LDAH: variants seen among roughly 807,000 people sequenced by gnomAD.
LDAH encodes lipid droplet associated hydrolase, also known as lipid droplet-associated hydrolase.
In LDAH, 26 loss-of-function variants were observed where a neutral mutation model predicts 29.6. The observed-to-expected ratio is 0.88, with a 90% CI of 0.64 to 1.22. The LOEUF (loss-of-function observed/expected upper bound fraction) is 1.22, where lower values mean the gene tolerates loss of function less well. Among genes scored for constraint, LDAH ranks in the 50% most tolerant of loss-of-function variants. The pLI, the probability that LDAH is intolerant of heterozygous loss-of-function variation, is 0.00. For missense variants in LDAH, 344 were observed against 387.3 expected (o/e 0.89, Z 0.94); for synonymous variants, 117 against 133.0 (o/e 0.88, Z 0.83).
At chr2:20,703,080 C>T (rs1664065784) in intron 5 of LDAH, among the ~76,000 whole-genome samples, 1 of 152,210 alleles carries the variant, frequency 6.6e-6, no homozygotes, top group African/African-American at 2.4e-5. Flanking sequence ...CCTGCCTTGG[C>T]CTCTCAAAGT....
intron 5 of LDAH, among the ~76,000 whole-genome samples, chr2:20,703,581 C>T (rs1664104429): frequency 6.6e-6 from 1 of 152,210 alleles, no homozygotes; most frequent in South Asian, 2.1e-4. Flanking sequence ...TAGAACCACA[C>T]TTCCACTCTT....
At chr2:20,753,939 A>G (rs539590751) in intron 4 of LDAH, among the ~76,000 whole-genome samples, 3 of 152,348 alleles carry the variant, frequency 2.0e-5, no homozygotes, top group East Asian at 1.9e-4. Flanking sequence ...TCCGAAATTC[A>G]TAAGTCCATG....
At chr2:20,797,702 A>G (rs1224362718) in intron 2 of LDAH, among the ~76,000 whole-genome samples, 2 of 152,192 alleles carry the variant, frequency 1.3e-5, no homozygotes, top group Non-Finnish European at 2.9e-5. Context: ...GGATTGCCAG[A>G]CATTTGAGGA....
chr2:20,731,246 G>C (rs1666381217), intron 5 of LDAH, among the ~76,000 whole-genome samples: 1 of 152,310 alleles, frequency 6.6e-6, no homozygotes, highest in African/African-American at 2.4e-5. Context: ...GAATCATGGG[G>C]ATGGTTTCTC....
intron 3 of LDAH, 36 bp downstream of exon 3, chr2:20,790,218 TC>T: frequency 6.2e-7 from 1 of 1,609,216 alleles, no homozygotes; most frequent in Non-Finnish European, 8.5e-7. Flanking sequence ...GACCCTGCAC[TC>T]ACTCTAAAGG....
chr2:20,800,354 T>C (rs1373586444), intron 2 of LDAH, among the ~76,000 whole-genome samples: 12 of 152,198 alleles, frequency 7.9e-5, no homozygotes, highest in Admixed American at 7.9e-4. Context: ...ATGACAGATA[T>C]AACACAATTT....
intron 6 of LDAH, among the ~76,000 whole-genome samples, chr2:20,694,808 C>T (rs1553332955): frequency 6.6e-6 from 1 of 152,200 alleles, no homozygotes; most frequent in Non-Finnish European, 1.5e-5. Flanking sequence ...GTGTGCAGAG[C>T]AGCACTCTCC....
At position 20,699,828 on chromosome 2, in the gene LDAH, T is replaced by C. The variant is rs115851203; in HGVS notation, c.786+1742A>G. Among the ~76,000 whole-genome samples the C allele has an allele frequency of 5.2e-3, 787 of 152,330 alleles. 7 individuals are homozygous for C. Among genetic ancestry groups the C allele is most frequent in the African/African-American group, 0.018 (753 of 41,570 alleles). On this transcript the variant is annotated intron_variant, in intron 6 of 6. Transcript: ENST00000237822. ...GACATAATTACCATGAACAGCCCTC[T>C]ATCTGGGAATGATTACACTTGCATA...
chr2:20,690,342 C>T (rs377574017), intron 6 of LDAH, among the ~76,000 whole-genome samples: 22 of 152,174 alleles, frequency 1.4e-4, no homozygotes, highest in African/African-American at 5.1e-4. Flanking sequence ...CTAGACCTCC[C>T]GTATGCTTAT....
chr2:20,751,005 T>C lies in LDAH; in HGVS notation c.469-10800A>G, dbSNP rs149985623. On this transcript the variant is annotated intron_variant, in intron 4 of 6. Transcript: ENST00000237822. Reference sequence around the variant, plus strand: ...GGGAACAATAAACACTATGGACCACTTGAGGATGGGGGGATTGAAAAACTA... The same window carrying C: ...GGGAACAATAAACACTATGGACCACCTGAGGATGGGGGGATTGAAAAACTA... Among the ~76,000 whole-genome samples, 535 of 152,256 alleles carry C rather than the reference T, an allele frequency of 3.5e-3. 2 individuals carry two copies. The highest frequency in any genetic ancestry group is 0.012 in the African/African-American group (512 of 41,550).
intron 5 of LDAH, among the ~76,000 whole-genome samples, chr2:20,735,420 A>T (rs577894838): frequency 3.3e-5 from 5 of 151,538 alleles, no homozygotes; most frequent in African/African-American, 1.2e-4. Flanking sequence ...ATCCATTGAG[A>T]TTTTAAATTT....
At chr2:20,760,439 T>A (rs570790714) in intron 4 of LDAH, among the ~76,000 whole-genome samples, 2 of 152,360 alleles carry the variant, frequency 1.3e-5, no homozygotes, top group East Asian at 1.9e-4. Context: ...TTTCTGCACA[T>A]CAGGAGTCCA....
chr2:20,797,960 G>C (rs1403266261), intron 2 of LDAH, among the ~76,000 whole-genome samples: 1 of 152,024 alleles, frequency 6.6e-6, no homozygotes, highest in African/African-American at 2.4e-5. Context: ...CAGAATCTCA[G>C]AACAAAGAAA....
chr2:20,701,703 C>A (rs941463003), intron 5 of LDAH, 51 bp from the exon 6 acceptor site: 13 of 1,462,760 alleles, frequency 8.9e-6, no homozygotes, highest in African/African-American at 2.8e-5. Flanking sequence ...AGAACAAACA[C>A]AAATTTCAAA....
At chr2:20,726,460 A>G (rs1345913630) in intron 5 of LDAH, among the ~76,000 whole-genome samples, 1 of 152,222 alleles carries the variant, frequency 6.6e-6, no homozygotes, top group Non-Finnish European at 1.5e-5. Context: ...CTGTAGGCAG[A>G]GTAAGGCTGG....
At chr2:20,737,872 T>G (rs1356983706) in intron 5 of LDAH, among the ~76,000 whole-genome samples, 2 of 152,154 alleles carry the variant, frequency 1.3e-5, no homozygotes, top group African/African-American at 4.8e-5. Flanking sequence ...TAATAATGTT[T>G]ACTAAAACAG....
intron 5 of LDAH, among the ~76,000 whole-genome samples, chr2:20,711,364 G>A (rs1466095647): frequency 2.0e-5 from 3 of 149,814 alleles, no homozygotes; most frequent in South Asian, 4.2e-4. Flanking sequence ...TAGCCTCGGC[G>A]ACAGAGCGAG....
chr2:20,746,962 T>A (rs1027609643), intron 4 of LDAH, among the ~76,000 whole-genome samples: 2 of 152,182 alleles, frequency 1.3e-5, no homozygotes, highest in African/African-American at 4.8e-5. Context: ...GGAATTTTTA[T>A]ACTGGATACA....
intron 4 of LDAH, among the ~76,000 whole-genome samples, chr2:20,752,522 G>T (rs1403260857): frequency 6.6e-6 from 1 of 152,132 alleles, no homozygotes; most frequent in Non-Finnish European, 1.5e-5. Flanking sequence ...GCTACAAATG[G>T]GTGGTTTCAA....
Sources: allele counts gnomAD v4.1 joint callset (sites outside exome capture counted in the v4.1 genomes callset), GRCh38; gene constraint gnomAD v4.1.1; transcripts MANE v1.5; gene names NCBI Gene and HGNC (gene_info 2026-07-23, HGNC 2026-07-21).